Variants in ATP11B observed in about 807,000 individuals in gnomAD.
ATP11B encodes the protein phospholipid-transporting ATPase IF.
A neutral mutation model predicts 157.8 loss-of-function variants in ATP11B; 81 were observed. The ratio of observed to expected loss-of-function variants is 0.51; its 90% confidence interval spans 0.43 to 0.62. The LOEUF (loss-of-function observed/expected upper bound fraction) is 0.62. ATP11B is among the 20% of genes least tolerant of loss of function. The probability of loss-of-function intolerance (pLI) is 0.00; values close to 1 mark genes in which losing one functional copy is unlikely to be tolerated. For synonymous variants in ATP11B, 451 were observed against 469.4 expected (o/e 0.96, Z 0.51); for missense variants, 1,165 against 1,402.2 (o/e 0.83, Z 2.70).
At chr3:182,851,932 G>A (rs1177492812) in intron 10 of ATP11B, among the ~76,000 whole-genome samples, 2 of 152,124 alleles carry the variant, frequency 1.3e-5, no homozygotes, top group Non-Finnish European at 2.9e-5. Context: ...ATATAAATAG[G>A]TTGACATCAA....
intron 1 of ATP11B, among the ~76,000 whole-genome samples, chr3:182,817,966 C>A (rs779157510): frequency 5.9e-5 from 9 of 152,092 alleles, no homozygotes; most frequent in Non-Finnish European, 7.3e-5. Flanking sequence ...AAAACTTTAT[C>A]CCAGAAGCTA....
chr3:182,856,088 A>G (rs1286190447), intron 10 of ATP11B, among the ~76,000 whole-genome samples: 2 of 152,208 alleles, frequency 1.3e-5, no homozygotes, highest in East Asian at 1.9e-4. Flanking sequence ...AGAAATGTAC[A>G]TAGCCACTTT....
chr3:182,887,340 C>T (rs1177517382), intron 23 of ATP11B, among the ~76,000 whole-genome samples: 3 of 152,080 alleles, frequency 2.0e-5, no homozygotes, highest in Non-Finnish European at 4.4e-5. Context: ...ATCTAACTCA[C>T]GATAATTCCA....
chr3:182,913,164 A>G (rs1724911346), intron 28 of ATP11B, among the ~76,000 whole-genome samples: 2 of 152,160 alleles, frequency 1.3e-5, no homozygotes, highest in African/African-American at 4.8e-5. Context: ...ATAAATTTTA[A>G]TTTATTAAAC....
At chr3:182,916,209 A>G (rs1725131915) in intron 29 of ATP11B, 1 of 985,162 alleles carries the variant, frequency 1.0e-6, no homozygotes. Context: ...TGTGTTGGGC[A>G]TTTCCATTGT....
At chr3:182,917,451 G>T in intron 29 of ATP11B, 1 of 985,332 alleles carries the variant, frequency 1.0e-6, no homozygotes, top group Non-Finnish European at 1.2e-6. Flanking sequence ...AACTTTTCCA[G>T]ACCAGTAGAG....
At chr3:182,840,363 C>T (rs755135273) in intron 7 of ATP11B, among the ~76,000 whole-genome samples, 8 of 152,132 alleles carry the variant, frequency 5.3e-5, no homozygotes, top group Non-Finnish European at 8.8e-5. Context: ...TCCTTCTCTA[C>T]CTTACCTTTC....
At chr3:182,803,685 G>T (rs1015558696) in intron 1 of ATP11B, among the ~76,000 whole-genome samples, 1 of 152,270 alleles carries the variant, frequency 6.6e-6, no homozygotes. Context: ...ATGGAATAAG[G>T]AAGGGAATTT....
chr3:182,867,266 C>A, intron 14 of ATP11B, 110 bp from the exon 15 acceptor site: 1 of 713,764 alleles, frequency 1.4e-6, no homozygotes, highest in Non-Finnish European at 2.4e-6. Flanking sequence ...TTTTTAAATG[C>A]ATTTTGAACT....
At chr3:182,824,453 A>G (rs2108501647) in intron 2 of ATP11B, among the ~76,000 whole-genome samples, 1 of 152,320 alleles carries the variant, frequency 6.6e-6, no homozygotes, top group South Asian at 2.1e-4. Flanking sequence ...CAATTTTTTG[A>G]AATTAAACTC....
At chr3:182,836,611 G>GT in intron 6 of ATP11B, 141 bp downstream of exon 6, 2 of 1,019,052 alleles carry the variant, frequency 2.0e-6, no homozygotes, top group Admixed American at 2.6e-5. Context: ...AAATAAAAAG[G>GT]TTTTAAGAAA....
chr3:182,879,224 C>T (rs557224180), intron 19 of ATP11B, among the ~76,000 whole-genome samples: 72 of 152,254 alleles, frequency 4.7e-4, no homozygotes, highest in African/African-American at 1.6e-3. Context: ...AGCCACTATA[C>T]TCCAGCCTGG....
chr3:182,800,240 G>A (rs566438890), intron 1 of ATP11B, among the ~76,000 whole-genome samples: 1 of 149,132 alleles, frequency 6.7e-6, no homozygotes. Flanking sequence ...TTTTTTTTTT[G>A]AGATAAGGCC....
intron 8 of ATP11B, among the ~76,000 whole-genome samples, chr3:182,842,809 A>G (rs962209346): frequency 1.3e-5 from 2 of 152,220 alleles, no homozygotes; most frequent in Non-Finnish European, 2.9e-5. Flanking sequence ...GCCATCCCCT[A>G]GTTTTCAAAC....
At chr3:182,851,320 T>C (rs1359349509) in intron 10 of ATP11B, among the ~76,000 whole-genome samples, 2 of 152,144 alleles carry the variant, frequency 1.3e-5, no homozygotes, top group African/African-American at 2.4e-5. Flanking sequence ...TTTATAAATA[T>C]TTTTCAAAGA....
intron 1 of ATP11B, among the ~76,000 whole-genome samples, chr3:182,797,375 G>A (rs1205140937): frequency 1.3e-5 from 2 of 152,080 alleles, no homozygotes; most frequent in African/African-American, 2.4e-5. Flanking sequence ...TTATTCTTAC[G>A]TATAAAATAC....
chr3:182,839,909 AGCCTAATATTTCTTTTAAGAATGT>A (rs1273811915), intron 7 of ATP11B, among the ~76,000 whole-genome samples: 3 of 152,098 alleles, frequency 2.0e-5, no homozygotes, highest in East Asian at 1.9e-4. Context: ...CACCCCGCCC[AGCCTAATATTTCTTTTAAGAATGT>A]GGATTGGTTT....
At chr3:182,841,341 C>T (rs1719006560) in intron 7 of ATP11B, among the ~76,000 whole-genome samples, 1 of 152,208 alleles carries the variant, frequency 6.6e-6, no homozygotes, top group Non-Finnish European at 1.5e-5. Flanking sequence ...GAGCAGGCAT[C>T]TTTGTGTATT....
At chr3:182,844,616 G>A (rs1282568065) in intron 8 of ATP11B, 3 of 927,138 alleles carry the variant, frequency 3.2e-6, no homozygotes, top group Non-Finnish European at 3.9e-6. Context: ...GTTATACTGT[G>A]CGATCTTGCC....
Sources: allele counts gnomAD v4.1 joint callset (sites outside exome capture counted in the v4.1 genomes callset), GRCh38; gene constraint gnomAD v4.1.1; transcripts MANE v1.5; gene names NCBI Gene and HGNC (gene_info 2026-07-23, HGNC 2026-07-21).